NELL1: variants seen among roughly 807,000 people sequenced by gnomAD.
NELL1 encodes neural EGFL like 1.
In NELL1, 76 loss-of-function variants were observed where a neutral mutation model predicts 107.4. The observed-to-expected ratio is 0.71, with a 90% confidence interval of 0.59 to 0.86. The LOEUF (loss-of-function observed/expected upper bound fraction) is 0.86. Ranked by LOEUF, NELL1 falls within the 40% of genes least tolerant of loss-of-function variation. The pLI is 0.00. For synonymous variants in NELL1, 353 were observed against 341.2 expected, an observed-to-expected ratio of 1.03 and a Z score of -0.38; for missense variants, 1,024 against 1,005.5, an observed-to-expected ratio of 1.02 and a Z score of -0.25.
At position 20,953,275 on chromosome 11, in the gene NELL1, G is replaced by A. The variant is rs563895359; in HGVS notation, c.1171+5840G>A. ...ATTGTCCAGGTATATAATTTCAAAGGTAACCTGCCTGACCTGCTGGGGTAT... is the reference window on the plus strand; with the variant it reads ...ATTGTCCAGGTATATAATTTCAAAGATAACCTGCCTGACCTGCTGGGGTAT... On this transcript the variant is annotated intron_variant, in intron 11 of 19. Transcript: ENST00000357134. 8.5e-5 allele frequency among the ~76,000 whole-genome samples: 13 copies of A among 152,292 alleles called. No individual in the cohort carries two copies. In the South Asian group the frequency reaches 2.7e-3, roughly 32 times the overall value.
intron 12 of NELL1, among the ~76,000 whole-genome samples, chr11:21,050,279 C>T (rs201774938): frequency 6.6e-6 from 1 of 151,442 alleles, no homozygotes; most frequent in African/African-American, 2.4e-5. Flanking sequence ...CCGCCCCCCA[C>T]TTTTTTTTAA....
chr11:21,078,416 T>G (rs1421639962), intron 12 of NELL1, among the ~76,000 whole-genome samples: 2 of 152,030 alleles, frequency 1.3e-5, no homozygotes, highest in Non-Finnish European at 2.9e-5. Flanking sequence ...CAGTTGCTCA[T>G]AGAAGAGAAT....
chr11:21,036,638 C>T (rs534976234), intron 12 of NELL1, among the ~76,000 whole-genome samples: 1 of 152,166 alleles, frequency 6.6e-6, no homozygotes, highest in Admixed American at 6.5e-5. Flanking sequence ...TCCTCTGCTG[C>T]ACTCTTGGAA....
At chr11:21,272,115 C>A (rs547369846) in intron 14 of NELL1, among the ~76,000 whole-genome samples, 1 of 152,146 alleles carries the variant, frequency 6.6e-6, no homozygotes, top group Non-Finnish European at 1.5e-5. Context: ...ATCGCCTCAC[C>A]CAGGAAGCGC....
At chr11:21,067,152 A>G (rs1853894750) in intron 12 of NELL1, among the ~76,000 whole-genome samples, 1 of 151,970 alleles carries the variant, frequency 6.6e-6, no homozygotes, top group South Asian at 2.1e-4. Flanking sequence ...GTATATTTAT[A>G]ATTATTATTT....
intron 12 of NELL1, among the ~76,000 whole-genome samples, chr11:21,083,553 G>A (rs548194119): frequency 3.4e-4 from 52 of 152,248 alleles, no homozygotes; most frequent in African/African-American, 1.2e-3. Context: ...CTATCACAGG[G>A]TGAGTGGAAG....
chr11:20,981,913 AAT>A (rs1851757396), intron 12 of NELL1, among the ~76,000 whole-genome samples: 1 of 152,030 alleles, frequency 6.6e-6, no homozygotes, highest in Non-Finnish European at 1.5e-5. Context: ...GGGCTCAAAC[AAT>A]GTCACCAAGG....
chr11:20,858,534 C>A (rs1447699988), intron 4 of NELL1, among the ~76,000 whole-genome samples: 1 of 152,188 alleles, frequency 6.6e-6, no homozygotes, highest in African/African-American at 2.4e-5. Flanking sequence ...TAGTCACCAA[C>A]CCATGTAGGA....
intron 2 of NELL1, among the ~76,000 whole-genome samples, chr11:20,735,481 T>C (rs1855740655): frequency 6.6e-6 from 1 of 152,152 alleles, no homozygotes; most frequent in South Asian, 2.1e-4. Flanking sequence ...TGTGAGAACT[T>C]ACTCACTATC....
At chr11:21,532,763 C>T (rs914226549) in intron 15 of NELL1, among the ~76,000 whole-genome samples, 2 of 152,120 alleles carry the variant, frequency 1.3e-5, no homozygotes, top group African/African-American at 2.4e-5. Flanking sequence ...TATAATCAGC[C>T]GTCTGTTTAT....
chr11:21,099,234 A>AACAC (rs1554967542), intron 12 of NELL1, among the ~76,000 whole-genome samples: 48 of 64,030 alleles, frequency 7.5e-4, no homozygotes, highest in Admixed American at 2.1e-3. Context: ...CACACACACA[A>AACAC]ACACACACAC....
At chr11:20,830,554 T>C (rs1857987542) in intron 3 of NELL1, among the ~76,000 whole-genome samples, 1 of 151,916 alleles carries the variant, frequency 6.6e-6, no homozygotes, top group Non-Finnish European at 1.5e-5. Context: ...GCCAGGCTGG[T>C]ATTGAAGTCA....
chr11:21,077,557 A>G (rs972875739), intron 12 of NELL1, among the ~76,000 whole-genome samples: 4 of 152,112 alleles, frequency 2.6e-5, no homozygotes, highest in African/African-American at 9.7e-5. Flanking sequence ...AGCCTGGCCA[A>G]CATGGTGAAA....
chr11:21,319,342 A>C lies in NELL1; in HGVS notation c.1550-51511A>C, dbSNP rs1378689276. Among the ~76,000 whole-genome samples the C allele has an allele frequency of 3.3e-5, 5 of 151,336 alleles. 1 individual carries two copies. The highest frequency in any genetic ancestry group is 1.2e-4 in the African/African-American group (5 of 41,044). On this transcript the variant is annotated intron_variant, in intron 14 of 19. Transcript: ENST00000357134. ...AGGTGTGCACCACTATGCACGGCTA[A>C]TTTTTATTTTATTATTTTTTATTTT...
At chr11:20,846,946 G>A (rs1429798) in intron 3 of NELL1, among the ~76,000 whole-genome samples, 1 of 151,944 alleles carries the variant, frequency 6.6e-6, no homozygotes, top group Non-Finnish European at 1.5e-5. Context: ...TTTCTTATGG[G>A]TTTGAAAAAC....
At chr11:21,459,233 C>T (rs1301492393) in intron 15 of NELL1, among the ~76,000 whole-genome samples, 1 of 151,022 alleles carries the variant, frequency 6.6e-6, no homozygotes, top group African/African-American at 2.4e-5. Context: ...GTCTTATTAA[C>T]ATTACTTACT....
chr11:21,243,230 T>C (rs1207361927), intron 14 of NELL1, among the ~76,000 whole-genome samples: 1 of 152,194 alleles, frequency 6.6e-6, no homozygotes, highest in Non-Finnish European at 1.5e-5. Context: ...AATGAACGAA[T>C]CTAAGGTATA....
chr11:20,832,071 T>C (rs1858022029), intron 3 of NELL1, among the ~76,000 whole-genome samples: 1 of 152,190 alleles, frequency 6.6e-6, no homozygotes, highest in South Asian at 2.1e-4. Context: ...GCAAGTGGGC[T>C]GGGTGGGAGC....
Position 21,147,836 on chromosome 11 carries a change from C to CAAA in NELL1, c.1426+34149_1426+34151dup, listed in dbSNP as rs35688285. On this transcript the variant is annotated intron_variant, in intron 13 of 19. Transcript: ENST00000357134. ...GGGCAACAAGAGTGAAACTCCGTCT[C>CAAA]AAAAAAAAAAAAAAAAAAAAAAAAA... Among the ~76,000 whole-genome samples the CAAA allele has an allele frequency of 3.7e-3, 106 of 28,816 alleles. 4 individuals are homozygous for CAAA. The highest frequency in any genetic ancestry group is 7.7e-3 in the African/African-American group (63 of 8,220). The allele number at this position is 28,816 out of a possible 152,430, so 18.9% of individuals were successfully genotyped here. A position where few individuals can be genotyped will look rare whatever the true frequency, so the allele number is the denominator to read the frequency against.
Sources: allele counts gnomAD v4.1 joint callset (sites outside exome capture counted in the v4.1 genomes callset), GRCh38; gene constraint gnomAD v4.1.1; transcripts MANE v1.5; gene names NCBI Gene and HGNC (gene_info 2026-07-23, HGNC 2026-07-21).